Variants in MFF observed in about 807,000 individuals in gnomAD.
The protein encoded by MFF is mitochondrial fission factor.
A neutral mutation model predicts 36.9 loss-of-function variants in MFF; 12 were observed. The observed-to-expected ratio is 0.33, with a 90% confidence interval of 0.21 to 0.53. The LOEUF is 0.53. Ranked by LOEUF, MFF falls within the 20% of genes least tolerant of loss-of-function variation. The probability of loss-of-function intolerance (pLI) is 0.95; values close to 1 mark genes in which losing one functional copy is unlikely to be tolerated. For missense variants in MFF, 348 were observed against 366.6 expected (o/e 0.95, Z 0.42); for synonymous variants, 99 against 126.2 (o/e 0.78, Z 1.44).
chr2:227,349,565 G>A (rs2075885942), intron 6 of MFF, among the ~76,000 whole-genome samples: 1 of 152,034 alleles, frequency 6.6e-6, no homozygotes, highest in Non-Finnish European at 1.5e-5. Context: ...GGAGCTTGGA[G>A]GGTTAGATTC....
intron 6 of MFF, among the ~76,000 whole-genome samples, chr2:227,348,176 G>T (rs2075809846): frequency 6.6e-6 from 1 of 152,030 alleles, no homozygotes; most frequent in Non-Finnish European, 1.5e-5. Flanking sequence ...TTATTTAATT[G>T]TTACTTTTTG....
intron 6 of MFF, among the ~76,000 whole-genome samples, chr2:227,347,754 T>G (rs950949129): frequency 1.3e-5 from 2 of 152,224 alleles, no homozygotes; most frequent in African/African-American, 4.8e-5. Context: ...GATTTAATCA[T>G]TTATGCTGCT....
At chr2:227,343,391 G>A (rs1247015025) in intron 5 of MFF, among the ~76,000 whole-genome samples, 1 of 152,106 alleles carries the variant, frequency 6.6e-6, no homozygotes, top group African/African-American at 2.4e-5. Context: ...ATATAATACA[G>A]GTATTCAATA....
Position 227,332,464 on chromosome 2 carries a change from T to A in MFF, c.227T>A (p.Leu76His). ...VSFSRPADLD[L>H]IQSTPFKPLA... ...TTTTCAAGACCAGCAGATCTTGACC[T>A]TATTCAGTCAACTCCCTTTAAACCC... is the stretch of plus-strand genomic sequence containing the variant. The change falls in exon 4 of 9, where the codon CTT (leucine) becomes CAT (histidine). Residue 76 changes from leucine to histidine, a missense_variant. Leu to His is a moderately conservative substitution (Grantham distance 99, BLOSUM62 -3). Coordinates refer to ENST00000304593, the MANE Select transcript of MFF (RefSeq NM_001277062.2). 1 of 1,613,620 alleles carries A rather than the reference T, an allele frequency of 6.2e-7. No homozygotes were observed. The highest frequency in any genetic ancestry group is 8.5e-7 in the Non-Finnish European group (1 of 1,179,720).
chr2:227,337,579 A>G (rs1006019886), intron 4 of MFF, among the ~76,000 whole-genome samples: 1 of 152,186 alleles, frequency 6.6e-6, no homozygotes. Context: ...TTAAAGGAGA[A>G]TTGTATGCAA....
intron 1 of MFF, among the ~76,000 whole-genome samples, chr2:227,326,667 A>G (rs902231729): frequency 2.0e-5 from 3 of 152,228 alleles, no homozygotes; most frequent in Non-Finnish European, 4.4e-5. Flanking sequence ...ATATAGTTTT[A>G]AAAGTTTGCA....
At chr2:227,329,483 C>A in intron 2 of MFF, 5 of 364,040 alleles carry the variant, frequency 1.4e-5, no homozygotes, top group Non-Finnish European at 2.5e-5. Flanking sequence ...ATTGGTTTCT[C>A]AAATCAAGCC....
At position 227,341,208 on chromosome 2, in the gene MFF, G is replaced by A. The variant is rs533143611; in HGVS notation, c.440+828G>A. ...TTATATTACAGCATATTAATCTCTA[G>A]TTTGGACCTCTCTAAAGAGTATAGG... On this transcript the variant is annotated intron_variant, in intron 5 of 8. Coordinates refer to ENST00000304593, the MANE Select transcript of MFF (RefSeq NM_001277062.2). Among the ~76,000 whole-genome samples, 16 of 152,090 alleles carry A rather than the reference G, an allele frequency of 1.1e-4. 1 individual carries two copies. In the South Asian group the frequency reaches 2.9e-3, roughly 28 times the overall value.
chr2:227,357,246 G>C lies in MFF; in HGVS notation c.*129G>C, dbSNP rs78731314. On this transcript the variant is annotated 3_prime_UTR_variant, in exon 9 of 9. Transcript: ENST00000304593. The stretch of plus-strand genomic sequence containing the variant: ...ACACCCTGAAAATGTATTTCTTCCA[G>C]AAAGTCTGGAGGAAGGACCTATATT... 0.017 allele frequency: 18,011 copies of C among 1,041,984 alleles called. 662 individuals are homozygous for C. Among genetic ancestry groups the C allele is most frequent in the East Asian group, 0.13 (4,911 of 38,954 alleles). The allele number at this position is 1,041,984 out of a possible 1,614,324, so 64.5% of individuals were successfully genotyped here.
At chr2:227,329,628 G>T in intron 2 of MFF, 1 of 735,440 alleles carries the variant, frequency 1.4e-6, no homozygotes, top group Non-Finnish European at 2.5e-6. Flanking sequence ...TGTCCGTGTT[G>T]TTATGTACAC....
intron 7 of MFF, among the ~76,000 whole-genome samples, chr2:227,353,222 G>A (rs748666007): frequency 3.3e-4 from 50 of 152,250 alleles, no homozygotes; most frequent in South Asian, 6.2e-4. Flanking sequence ...ACAAATACAT[G>A]CAGTTCTTAA....
rs1208394764 is a variant in MFF at position 227,330,591 on chromosome 2, ACAGT to A, written c.-40-31_-40-28del. ...CTGCGTAGAGGAGACTGACATTTTAACAGTCAGCCCTGTCTTTAAATTTTTCTCC... is the reference window on the plus strand; with the variant it reads ...CTGCGTAGAGGAGACTGACATTTTAACAGCCCTGTCTTTAAATTTTTCTCC... On this transcript the variant is annotated intron_variant, in intron 2 of 8. Transcript: ENST00000304593. The A allele has an allele frequency of 2.7e-6, 4 of 1,483,230 alleles. No homozygotes were observed. In the African/African-American group the frequency reaches 5.5e-5, roughly 20 times the overall value. 91.9% of individuals were successfully genotyped at this position (1,483,230 alleles called of 1,614,324 possible). A position where few individuals can be genotyped will look rare whatever the true frequency, so the allele number is the denominator to read the frequency against.
At chr2:227,337,247 C>T (rs1453165406) in intron 4 of MFF, among the ~76,000 whole-genome samples, 1 of 152,252 alleles carries the variant, frequency 6.6e-6, no homozygotes, top group African/African-American at 2.4e-5. Context: ...ATGTGTCCTT[C>T]CCAAAACCCG....
In MFF at chr2:227,330,536, CT is replaced by C. The variant is rs1300202172; in HGVS notation, c.-40-87del. 3 of 873,540 alleles carry C rather than the reference CT, an allele frequency of 3.4e-6. No homozygotes were observed. The East Asian group carries it at 7.7e-5, about 23-fold the overall frequency. 54.1% of individuals were successfully genotyped at this position (873,540 alleles called of 1,614,324 possible). A position where few individuals can be genotyped will look rare whatever the true frequency, so the allele number is the denominator to read the frequency against. On this transcript the variant is annotated intron_variant, in intron 2 of 8. Transcript: ENST00000304593. ...TGCAAATGAGAAGTTTCCTTTCGCT[CT>C]TTCTATAAGGTATTGTCTTCTAACT... is the stretch of plus-strand genomic sequence containing the variant.
chr2:227,352,644 A>C, intron 7 of MFF, 71 bp downstream of exon 7: 2 of 1,214,528 alleles, frequency 1.6e-6, no homozygotes. Context: ...GGCATGTTGC[A>C]TGTCGTAGCC....
intron 5 of MFF, 57 bp downstream of exon 5, chr2:227,340,437 G>T: frequency 7.8e-7 from 1 of 1,274,204 alleles, no homozygotes; most frequent in Non-Finnish European, 1.1e-6. Context: ...GATATTTTCT[G>T]TACCCATGTT....
chr2:227,333,601 A>G (rs1412827576), intron 4 of MFF, among the ~76,000 whole-genome samples: 1 of 152,240 alleles, frequency 6.6e-6, no homozygotes, highest in Non-Finnish European at 1.5e-5. Context: ...TCAGCAGGAC[A>G]ATGATATGAG....
chr2:227,352,612 T>A lies in MFF; in HGVS notation c.659+39T>A, dbSNP rs200064008. 5.8e-4 allele frequency: 851 copies of A among 1,466,264 alleles called. 1 individual carries two copies. The highest frequency in any genetic ancestry group is 7.5e-4 in the Middle Eastern group (4 of 5,354). 90.8% of individuals were successfully genotyped at this position (1,466,264 alleles called of 1,614,324 possible). A position where few individuals can be genotyped will look rare whatever the true frequency, so the allele number is the denominator to read the frequency against. On this transcript the variant is annotated intron_variant, in intron 7 of 8. Coordinates refer to ENST00000304593, the MANE Select transcript of MFF (RefSeq NM_001277062.2). Reference sequence around the variant, plus strand: ...CTTCGTAATTACCAGGGTAAATGCTTGGCGGAATTTGTGTGTTGCAGGGCA... The same window carrying A: ...CTTCGTAATTACCAGGGTAAATGCTAGGCGGAATTTGTGTGTTGCAGGGCA...
At chr2:227,340,818 G>A (rs2075348445) in intron 5 of MFF, among the ~76,000 whole-genome samples, 1 of 151,872 alleles carries the variant, frequency 6.6e-6, no homozygotes, top group South Asian at 2.1e-4. Flanking sequence ...TTTTTCATTT[G>A]GTTGTATTAT....
Sources: gnomAD v4.1 joint callset for allele counts (sites outside exome capture counted in the v4.1 genomes callset) on GRCh38, gnomAD v4.1.1 for gene constraint, MANE v1.5 for transcripts, NCBI Gene and HGNC (gene_info 2026-07-23, HGNC 2026-07-21) for gene names.